Variants in ARHGAP29 observed in about 807,000 individuals in gnomAD.
ARHGAP29 encodes rho GTPase-activating protein 29.
ARHGAP29 carries 43 observed loss-of-function variants against 122.6 expected under a neutral mutation model. The observed-to-expected ratio is 0.35, with a 90% CI of 0.27 to 0.45. The LOEUF (loss-of-function observed/expected upper bound fraction) is 0.45. Among genes scored for constraint, ARHGAP29 ranks in the 20% least tolerant of loss-of-function variants. The pLI is 1.00. For missense variants in ARHGAP29, 1,303 were observed against 1,477.2 expected, an observed-to-expected ratio of 0.88 and a Z score of 1.93; for synonymous variants, 506 against 497.1, an observed-to-expected ratio of 1.02 and a Z score of -0.24.
intron 11 of ARHGAP29, 148 bp from the exon 12 acceptor site, chr1:94,202,005 G>A: frequency 2.7e-6 from 2 of 746,244 alleles, no homozygotes; most frequent in Non-Finnish European, 4.1e-6. Flanking sequence ...GTTCTGGTCA[G>A]TGATTCAAAG....
chr1:94,223,814 T>C (rs1652462919), intron 2 of ARHGAP29, among the ~76,000 whole-genome samples: 1 of 151,986 alleles, frequency 6.6e-6, no homozygotes, highest in Non-Finnish European at 1.5e-5. Flanking sequence ...TTCCCTTTTT[T>C]TTTTTCTTTT....
chr1:94,217,842 C>T (rs56265999), intron 3 of ARHGAP29, among the ~76,000 whole-genome samples: 4,820 of 81,954 alleles, frequency 0.059, 94 homozygotes, highest in Non-Finnish European at 0.079. Context: ...GAGTGAGACC[C>T]TATCTCTTAA....
Position 94,196,937 on chromosome 1 carries a change from G to T in ARHGAP29, c.1281+4783C>A, listed in dbSNP as rs1002063624. 3.3e-5 allele frequency among the ~76,000 whole-genome samples: 5 copies of T among 152,006 alleles called. No homozygotes were observed. In the East Asian group the frequency reaches 7.7e-4, roughly 23 times the overall value. The stretch of plus-strand genomic sequence containing the variant: ...AAATGTATCAGAAAAGCACAGGAAG[G>T]TCTCAATAAACAACATAAGCTTGTG... On this transcript the variant is annotated intron_variant, in intron 12 of 22. Transcript: ENST00000260526.
rs771974492 is a variant in ARHGAP29 at position 94,174,290 on chromosome 1, G to C, written c.3365C>G (p.Thr1122Ser). The C allele has an allele frequency of 6.2e-7, 1 of 1,614,182 alleles. No individual in the cohort carries two copies. The highest frequency in any genetic ancestry group is 8.5e-7 in the Non-Finnish European group (1 of 1,180,028). ...QISGDHSINATQPSKPYAEPV... is the reference protein window; with the variant it reads ...QISGDHSINASQPSKPYAEPV... ...CTCTGCATATGGCTTACTGGGTTGAGTGGCATTGATAGAATGGTCCCCACT... is the reference window on the plus strand; with the variant it reads ...CTCTGCATATGGCTTACTGGGTTGACTGGCATTGATAGAATGGTCCCCACT... The change falls in exon 23 of 23, where the codon ACT becomes AGT. Residue 1122 changes from threonine to serine, a missense_variant. Around this residue, in one of 3 missense-constraint regions of ARHGAP29, gnomAD observed 620 missense variants for 651.2 expected, o/e 0.95. Coordinates refer to ENST00000260526, the MANE Select transcript of ARHGAP29 (RefSeq NM_004815.4).
intron 22 of ARHGAP29, among the ~76,000 whole-genome samples, chr1:94,175,611 G>C (rs1649046121): frequency 6.6e-6 from 1 of 152,172 alleles, no homozygotes; most frequent in Admixed American, 6.5e-5. Context: ...GTGCCCACCA[G>C]AGTCACTTTT....
the ARHGAP29 span, among the ~76,000 whole-genome samples, chr1:94,300,383 C>T: frequency 6.6e-6 from 1 of 152,200 alleles, no homozygotes; most frequent in East Asian, 1.9e-4. Context: ...GCCTCTCCGT[C>T]TCACATTCCT....
intron 4 of ARHGAP29, 61 bp from the exon 5 acceptor site, chr1:94,208,965 C>T: frequency 1.4e-6 from 2 of 1,420,582 alleles, no homozygotes; most frequent in Non-Finnish European, 2.0e-6. Context: ...ACAGGGTTTA[C>T]ATTCAACATG....
At chr1:94,251,861 T>C (rs535846654) in intron 1 of ARHGAP29, among the ~76,000 whole-genome samples, 2 of 152,324 alleles carry the variant, frequency 1.3e-5, no homozygotes, top group South Asian at 4.1e-4. Flanking sequence ...TTTGCACTTA[T>C]CCCTCTACTG....
chr1:94,303,915 T>A, the ARHGAP29 span, among the ~76,000 whole-genome samples: 1 of 152,216 alleles, frequency 6.6e-6, no homozygotes, highest in Non-Finnish European at 1.5e-5. Flanking sequence ...TTTTAAATAT[T>A]GCTTTGATTA....
At chr1:94,302,529 A>C in the ARHGAP29 span, 1 of 321,928 alleles carries the variant, frequency 3.1e-6, no homozygotes, top group South Asian at 2.6e-5. Flanking sequence ...TGGCATCATG[A>C]AGCGACTCAG....
chr1:94,244,453 T>C (rs1653716461), intron 1 of ARHGAP29, among the ~76,000 whole-genome samples: 1 of 151,540 alleles, frequency 6.6e-6, no homozygotes, highest in Non-Finnish European at 1.5e-5. Context: ...GTCAACAACG[T>C]AGGAATAGAA....
chr1:94,274,408 A>G (rs1000434303), intron 1 of ARHGAP29, among the ~76,000 whole-genome samples: 3 of 152,364 alleles, frequency 2.0e-5, no homozygotes, highest in East Asian at 3.9e-4. Flanking sequence ...TGCAAAGCAC[A>G]TAAGTTACTT....
rs142640064 is a variant in ARHGAP29, at chr1:94,169,106, A to C, written c.*4763T>G. 1.6e-3 allele frequency among the ~76,000 whole-genome samples: 241 copies of C among 152,352 alleles called. 3 individuals are homozygous for C. The highest frequency in any genetic ancestry group is 5.4e-3 in the African/African-American group (225 of 41,590). ...TTTTCTATAAATTTCATAAATGTCTATGTTTAAACATTCCTGGTAAATATG... is the reference window on the plus strand; with the variant it reads ...TTTTCTATAAATTTCATAAATGTCTCTGTTTAAACATTCCTGGTAAATATG... On this transcript the variant is annotated 3_prime_UTR_variant, in exon 23 of 23. Transcript: ENST00000260526.
rs1384793013 is a variant in ARHGAP29 at position 94,169,978 on chromosome 1, AGAAG to A, written c.*3887_*3890del. ...CTGATTTAAGTGAATGAAGGAATAG[AGAAG>A]GAAGAGCTCTTCCTTACAGTAGTAG... On this transcript the variant is annotated 3_prime_UTR_variant, in exon 23 of 23. Transcript: ENST00000260526. Among the ~76,000 whole-genome samples, 1 of 152,220 alleles carries A rather than the reference AGAAG, an allele frequency of 6.6e-6. No individual in the cohort carries two copies. Among genetic ancestry groups the A allele is most frequent in the Admixed American group, 6.5e-5 (1 of 15,282 alleles).
intron 3 of ARHGAP29, among the ~76,000 whole-genome samples, chr1:94,215,104 G>GAAAAAAAAAA (rs199693229): frequency 3.6e-5 from 3 of 83,654 alleles, no homozygotes; most frequent in Non-Finnish European, 8.3e-5. Context: ...GCATGAAAAG[G>GAAAAAAAAAA]AAAAAAAAAA....
At chr1:94,312,791 C>T in the ARHGAP29 span, among the ~76,000 whole-genome samples, 1 of 151,958 alleles carries the variant, frequency 6.6e-6, no homozygotes, top group Non-Finnish European at 1.5e-5. Flanking sequence ...GTCATCCTTC[C>T]CTATAGGTAC....
chr1:94,220,311 A>C lies in ARHGAP29; in HGVS notation c.287T>G (p.Leu96Arg), dbSNP rs1019238191. 1 of 1,613,460 alleles carries C rather than the reference A, an allele frequency of 6.2e-7. No homozygotes were observed. Among genetic ancestry groups the C allele is most frequent in the Non-Finnish European group, 8.5e-7 (1 of 1,179,642 alleles). ...AGCATTTTGAAGATCAACAGAATTG[A>C]GGTTCTGATGTTTATTCATTATAGA... ...LKSIMNKHQNLNSVDLQNAAE... is the reference protein window; with the variant it reads ...LKSIMNKHQNRNSVDLQNAAE... The change falls in exon 3 of 23, where the codon CTC becomes CGC. Residue 96 changes from leucine (L) to arginine (R), a missense_variant. Leu to Arg is a moderately radical substitution (Grantham distance 102, BLOSUM62 -2). This residue lies in a region of ARHGAP29 where 592 missense variants were observed against 648.2 expected (regional missense o/e 0.91). Coordinates refer to ENST00000260526, the MANE Select transcript of ARHGAP29 (RefSeq NM_004815.4).
chr1:94,308,140 G>A, the ARHGAP29 span, among the ~76,000 whole-genome samples: 1 of 152,090 alleles, frequency 6.6e-6, no homozygotes, highest in Non-Finnish European at 1.5e-5. Context: ...ACAATCCTGG[G>A]GAGAAATAGA....
chr1:94,292,135 G>A, the ARHGAP29 span, among the ~76,000 whole-genome samples: 1 of 152,116 alleles, frequency 6.6e-6, no homozygotes, highest in African/African-American at 2.4e-5. Flanking sequence ...ATATTTCTTG[G>A]AGGCTTTGTT....
Sources: allele counts gnomAD v4.1 joint callset (sites outside exome capture counted in the v4.1 genomes callset), GRCh38; gene constraint gnomAD v4.1.1; regional missense constraint gnomAD v4.1.1; transcripts MANE v1.5; gene names NCBI Gene and HGNC (gene_info 2026-07-23, HGNC 2026-07-21).